CALR3: variants seen among roughly 807,000 people sequenced by gnomAD.
CALR3 encodes calreticulin-3.
Under a neutral mutation model 48.7 loss-of-function variants are expected in CALR3, and 39 were observed. The ratio of observed to expected loss-of-function variants is 0.80; its 90% confidence interval spans 0.62 to 1.05. CALR3 has a LOEUF of 1.05. Among genes scored for constraint, CALR3 ranks in the 50% least tolerant of loss-of-function variants. The pLI is 0.00. For synonymous variants in CALR3, 185 were observed against 172.7 expected (o/e 1.07, Z -0.56); for missense variants, 449 against 474.7 (o/e 0.95, Z 0.50).
At chr19:16,494,308 T>G (rs2093402365) in intron 2 of CALR3, among the ~76,000 whole-genome samples, 1 of 152,140 alleles carries the variant, frequency 6.6e-6, no homozygotes, top group African/African-American at 2.4e-5. Context: ...GTAATCCGCC[T>G]GCCTTGGCCT....
At chr19:16,494,977 A>G (rs2093404132) in intron 2 of CALR3, among the ~76,000 whole-genome samples, 1 of 152,136 alleles carries the variant, frequency 6.6e-6, no homozygotes, top group East Asian at 1.9e-4. Flanking sequence ...GCTCACGCCT[A>G]TAATCCCAGC....
chr19:16,489,150 T>C (rs1213415923), intron 3 of CALR3, among the ~76,000 whole-genome samples: 1 of 152,270 alleles, frequency 6.6e-6, no homozygotes, highest in East Asian at 1.9e-4. Flanking sequence ...GTGGGCCAAT[T>C]TGGCCCACGG....
In CALR3 at chr19:16,480,545, C is replaced by G. The variant is rs1001515587; in HGVS notation, c.1011+69G>C. 9 of 1,034,194 alleles carry G rather than the reference C, an allele frequency of 8.7e-6. No individual in the cohort carries two copies. The Admixed American group carries it at 1.6e-4, about 18-fold the overall frequency. 64.1% of individuals were successfully genotyped at this position (1,034,194 alleles called of 1,614,324 possible). On this transcript the variant is annotated intron_variant, in intron 8 of 8. Transcript: ENST00000269881. ...ACAGCCTGGGTGACAGAGCTAGACTCCATCTAAAAAAAAAAAATTTACACA... is the reference window on the plus strand; with the variant it reads ...ACAGCCTGGGTGACAGAGCTAGACTGCATCTAAAAAAAAAAAATTTACACA...
At chr19:16,481,388 C>T (rs747992532) in intron 7 of CALR3, among the ~76,000 whole-genome samples, 1 of 151,916 alleles carries the variant, frequency 6.6e-6, no homozygotes, top group Non-Finnish European at 1.5e-5. Flanking sequence ...ATATCCTTTC[C>T]CTCTAAGGCA....
chr19:16,479,574 C>G (rs1717314376), intron 8 of CALR3, among the ~76,000 whole-genome samples: 2 of 144,692 alleles, frequency 1.4e-5, no homozygotes, highest in Admixed American at 1.4e-4. Context: ...GGCGACAGAG[C>G]AAGACTCTGT....
chr19:16,485,996 T>C (rs748857641), intron 3 of CALR3, among the ~76,000 whole-genome samples: 5 of 152,094 alleles, frequency 3.3e-5, no homozygotes, highest in African/African-American at 4.8e-5. Flanking sequence ...TAAAGGACAA[T>C]GTCCTGGCTT....
intron 4 of CALR3, among the ~76,000 whole-genome samples, chr19:16,484,690 G>GT (rs1220601683): frequency 6.6e-6 from 1 of 150,482 alleles, no homozygotes; most frequent in East Asian, 2.0e-4. Context: ...GCTAATTTTT[G>GT]TATTTTTTGT....
rs1281246384 is a variant in CALR3, at chr19:16,489,409, G to A, written c.397+958C>T. 3.3e-5 allele frequency among the ~76,000 whole-genome samples: 5 copies of A among 152,148 alleles called. 1 individual carries two copies. In the South Asian group the frequency reaches 1.0e-3, roughly 32 times the overall value. On this transcript the variant is annotated intron_variant, in intron 3 of 8. Transcript: ENST00000269881. Reference sequence around the variant, plus strand: ...TGAGGTGGGCGGATCACCTGAGATCGGGAGTTCAAGACCAGCCTGACCAAC... The same window carrying A: ...TGAGGTGGGCGGATCACCTGAGATCAGGAGTTCAAGACCAGCCTGACCAAC...
chr19:16,486,698 C>T (rs2093389664), intron 3 of CALR3, among the ~76,000 whole-genome samples: 1 of 151,464 alleles, frequency 6.6e-6, no homozygotes, highest in Non-Finnish European at 1.5e-5. Flanking sequence ...CTCTGTGTTG[C>T]CTGTCTGAGG....
At position 16,483,935 on chromosome 19, in the gene CALR3, C is replaced by A. The variant is rs765297065; in HGVS notation, c.673G>T (p.Ala225Ser). Residue 225 changes from alanine to serine, a missense_variant, in exon 5 of 9, where the codon GCC becomes TCC. Physicochemically the swap from Ala to Ser is moderately conservative, Grantham distance 99. Transcript: ENST00000269881. ...TGCCCAGGAAAAATTCACACCTGGGCTTTGTTGTCTTTAGTCTGTTCCCAA... is the reference window on the plus strand; with the variant it reads ...TGCCCAGGAAAAATTCACACCTGGGATTTGTTGTCTTTAGTCTGTTCCCAA... ...KDWEQTKDNK[A>S]QDWEKHFLDA... 3.1e-6 allele frequency: 5 copies of A among 1,613,744 alleles called. No individual in the cohort carries two copies. In the Admixed American group the frequency reaches 5.0e-5, roughly 16 times the overall value.
chr19:16,489,393 C>T (rs2093394322), intron 3 of CALR3, among the ~76,000 whole-genome samples: 1 of 151,978 alleles, frequency 6.6e-6, no homozygotes, highest in African/African-American at 2.4e-5. Flanking sequence ...CTGAGGTGGG[C>T]GGATCACCTG....
At chr19:16,491,760 G>C (rs1479551746) in intron 2 of CALR3, among the ~76,000 whole-genome samples, 1 of 151,234 alleles carries the variant, frequency 6.6e-6, no homozygotes, top group Non-Finnish European at 1.5e-5. Context: ...CTGGGTGACA[G>C]AGTGAGACTC....
Position 16,485,653 on chromosome 19 carries a change from G to T in CALR3, c.398-396C>A, listed in dbSNP as rs181291143. On this transcript the variant is annotated intron_variant, in intron 3 of 8. Transcript: ENST00000269881. ...ACATATAATCAGATATTCACACTAAGATATTTATTTATTTATTTGAGACAG... is the reference window on the plus strand; with the variant it reads ...ACATATAATCAGATATTCACACTAATATATTTATTTATTTATTTGAGACAG... Among the ~76,000 whole-genome samples the T allele has an allele frequency of 6.0e-5, 9 of 151,124 alleles. No homozygotes were observed. The East Asian group carries it at 1.2e-3, about 20-fold the overall frequency.
intron 8 of CALR3, among the ~76,000 whole-genome samples, chr19:16,480,403 T>C (rs2093378771): frequency 1.3e-5 from 2 of 151,222 alleles, no homozygotes; most frequent in South Asian, 4.2e-4. Flanking sequence ...AATACACAAA[T>C]TAGCCGGACG....
chr19:16,495,749 A>C lies in CALR3; in HGVS notation c.193+2T>G. 1 of 1,611,158 alleles carries C rather than the reference A, an allele frequency of 6.2e-7. No homozygotes were observed. The highest frequency in any genetic ancestry group is 2.2e-5 in the East Asian group (1 of 44,874). Reference sequence around the variant, plus strand: ...TCAATTTGGTCCTGATTCTACACTAACCTTTATCTTTCTCTTTATGACCAT... The same window carrying C: ...TCAATTTGGTCCTGATTCTACACTACCCTTTATCTTTCTCTTTATGACCAT... On this transcript the variant is annotated splice_donor_variant, in intron 2 of 8. Coordinates refer to ENST00000269881, the MANE Select transcript of CALR3 (RefSeq NM_145046.5). LOFTEE classifies it high-confidence loss of function.
chr19:16,490,871 C>T (rs554635478), intron 2 of CALR3, among the ~76,000 whole-genome samples: 2 of 151,728 alleles, frequency 1.3e-5, no homozygotes, highest in East Asian at 3.9e-4. Context: ...GATTCTCCTG[C>T]CTCAGCCTCC....
Position 16,490,445 on chromosome 19 carries a change from C to A in CALR3, c.319G>T (p.Gly107Trp), listed in dbSNP as rs770166604. The A allele has an allele frequency of 6.2e-7, 1 of 1,614,150 alleles. No individual in the cohort carries two copies. The highest frequency in any genetic ancestry group is 1.7e-5 in the Admixed American group (1 of 59,990). ...GCAGGAAAGACCTTAATGTAGCCCC[C>A]TCCACAGTCCATCTTCTGCTCATGT... ...VKHEQKMDCGGGYIKVFPADI... is the reference protein window; with the variant it reads ...VKHEQKMDCGWGYIKVFPADI... Residue 107 changes from glycine (G) to tryptophan (W), a missense_variant, in exon 3 of 9, where the codon GGG becomes TGG. By Grantham distance (184) the Gly-to-Trp change is radical. Coordinates refer to ENST00000269881, the MANE Select transcript of CALR3 (RefSeq NM_145046.5).
chr19:16,491,216 G>A (rs879380794), intron 2 of CALR3, among the ~76,000 whole-genome samples: 5 of 151,860 alleles, frequency 3.3e-5, no homozygotes, highest in Non-Finnish European at 5.9e-5. Flanking sequence ...TCCACCTCCT[G>A]GGTTCACGCC....
chr19:16,485,071 G>A, intron 4 of CALR3, 92 bp downstream of exon 4: 1 of 874,354 alleles, frequency 1.1e-6, no homozygotes, highest in Non-Finnish European at 1.9e-6. Context: ...CCCATCCCTG[G>A]CTCAGTTAAG....
Sources: gnomAD v4.1 joint callset for allele counts (sites outside exome capture counted in the v4.1 genomes callset) on GRCh38, gnomAD v4.1.1 for gene constraint, MANE v1.5 for transcripts, NCBI Gene and HGNC (gene_info 2026-07-23, HGNC 2026-07-21) for gene names.